CPE: variants seen among roughly 807,000 people sequenced by gnomAD.
CPE encodes the protein carbocypeptidase E.
Under a neutral mutation model 53.5 loss-of-function variants are expected in CPE, and 17 were observed. That is an observed-to-expected ratio of 0.32 (90% CI 0.22 to 0.48). CPE has a LOEUF of 0.48. CPE is among the 20% of genes least tolerant of loss of function. The pLI is 0.99. For missense variants in CPE, 524 were observed against 614.7 expected (o/e 0.85, Z 1.56); for synonymous variants, 226 against 228.8 (o/e 0.99, Z 0.11).
At chr4:165,431,910 TAACA>T (rs1560880313) in intron 1 of CPE, among the ~76,000 whole-genome samples, 1 of 151,786 alleles carries the variant, frequency 6.6e-6, no homozygotes, top group Non-Finnish European at 1.5e-5. Flanking sequence ...AGAACATAGG[TAACA>T]AGACAAGAGA....
intron 1 of CPE, among the ~76,000 whole-genome samples, chr4:165,394,727 A>G (rs187956741): frequency 2.0e-5 from 3 of 152,036 alleles, no homozygotes; most frequent in Admixed American, 2.0e-4. Context: ...TTTTTTTTTT[A>G]TGTGAAAAAT....
At chr4:165,492,076 G>T (rs1459976628) in intron 6 of CPE, among the ~76,000 whole-genome samples, 3 of 152,178 alleles carry the variant, frequency 2.0e-5, no homozygotes, top group Non-Finnish European at 4.4e-5. Flanking sequence ...TAGATGAATT[G>T]TCTTTCCAAA....
intron 1 of CPE, among the ~76,000 whole-genome samples, chr4:165,393,189 G>T: frequency 6.6e-6 from 1 of 152,124 alleles, no homozygotes; most frequent in South Asian, 2.1e-4. Flanking sequence ...AACAAAAAAA[G>T]CAATGTCATT....
At chr4:165,383,197 G>C (rs916484111) in intron 1 of CPE, among the ~76,000 whole-genome samples, 3 of 152,154 alleles carry the variant, frequency 2.0e-5, no homozygotes, top group African/African-American at 7.2e-5. Flanking sequence ...GCTAGGGGCT[G>C]ATTCTAAGTG....
intron 2 of CPE, among the ~76,000 whole-genome samples, chr4:165,465,082 GA>G (rs1163931312): frequency 6.6e-6 from 1 of 152,014 alleles, no homozygotes; most frequent in East Asian, 1.9e-4. Context: ...AAAAACAAGC[GA>G]AAACCCTACC....
chr4:165,461,613 A>G (rs1300824776), intron 1 of CPE, among the ~76,000 whole-genome samples: 3 of 152,332 alleles, frequency 2.0e-5, no homozygotes, highest in African/African-American at 7.2e-5. Context: ...GTTTAGTTAC[A>G]TATCCAACAT....
At chr4:165,456,053 T>A (rs1560887624) in intron 1 of CPE, among the ~76,000 whole-genome samples, 1 of 152,206 alleles carries the variant, frequency 6.6e-6, no homozygotes, top group Non-Finnish European at 1.5e-5. Context: ...AATTATTGAT[T>A]TCTGTGAATT....
At chr4:165,404,261 T>A in intron 1 of CPE, 1 of 767,452 alleles carries the variant, frequency 1.3e-6, no homozygotes, top group Non-Finnish European at 2.4e-6. Context: ...AATGTCTCCC[T>A]CTGCAGGTGT....
At chr4:165,405,179 G>T in intron 1 of CPE, 1 of 776,166 alleles carries the variant, frequency 1.3e-6, no homozygotes. Flanking sequence ...GCCTAACCCA[G>T]TGAGTGTGGC....
chr4:165,381,535 C>T (rs958565744), intron 1 of CPE: 1 of 280,382 alleles, frequency 3.6e-6, no homozygotes, highest in African/African-American at 2.3e-5. Flanking sequence ...ACAATATGTA[C>T]TTTACAATTC....
rs377223955 is a variant in CPE at position 165,450,566 on chromosome 4, A to T, written c.308-13824A>T. The stretch of plus-strand genomic sequence containing the variant: ...CATAATTTATTCACAAGTACATTAA[A>T]AATGTAAAACCATGCATAATTATTT... On this transcript the variant is annotated intron_variant, in intron 1 of 8. Transcript: ENST00000402744. Among the ~76,000 whole-genome samples the T allele has an allele frequency of 7.2e-5, 11 of 152,362 alleles. No homozygotes were observed. The East Asian group carries it at 2.1e-3, about 29-fold the overall frequency.
At chr4:165,443,148 T>C (rs569774015) in intron 1 of CPE, among the ~76,000 whole-genome samples, 1 of 152,314 alleles carries the variant, frequency 6.6e-6, no homozygotes, top group South Asian at 2.1e-4. Context: ...CTGGGAATCA[T>C]GCGAAGGGGC....
chr4:165,426,343 T>A (rs752288886), intron 1 of CPE, among the ~76,000 whole-genome samples: 1 of 152,220 alleles, frequency 6.6e-6, no homozygotes. Flanking sequence ...ACAGGAAAAA[T>A]GTTAAGTCCA....
intron 1 of CPE, among the ~76,000 whole-genome samples, chr4:165,392,489 AC>A (rs1730699407): frequency 1.4e-5 from 2 of 145,534 alleles, no homozygotes; most frequent in Non-Finnish European, 3.0e-5. Flanking sequence ...TCATATATTT[AC>A]AATATATGAT....
intron 1 of CPE, among the ~76,000 whole-genome samples, chr4:165,450,418 G>A (rs1731788933): frequency 6.6e-6 from 1 of 152,114 alleles, no homozygotes; most frequent in African/African-American, 2.4e-5. Context: ...AGCAGAAGAT[G>A]GATGAGATTG....
chr4:165,467,601 T>C, intron 2 of CPE, 87 bp from the exon 3 acceptor site: 1 of 1,270,866 alleles, frequency 7.9e-7, no homozygotes, highest in Non-Finnish European at 1.1e-6. Flanking sequence ...AATAGTTATT[T>C]TAAAGAGCAT....
chr4:165,437,467 G>C (rs2126683033), intron 1 of CPE, among the ~76,000 whole-genome samples: 1 of 152,296 alleles, frequency 6.6e-6, no homozygotes, highest in South Asian at 2.1e-4. Context: ...AATGGAAGTT[G>C]AAAGGGGATT....
intron 1 of CPE, among the ~76,000 whole-genome samples, chr4:165,461,409 A>T (rs1410829138): frequency 6.6e-6 from 1 of 152,018 alleles, no homozygotes; most frequent in East Asian, 1.9e-4. Context: ...GCCAAACCAC[A>T]TGGAGGTTCA....
chr4:165,472,790 A>G (rs887393409), intron 3 of CPE, among the ~76,000 whole-genome samples: 1 of 152,194 alleles, frequency 6.6e-6, no homozygotes, highest in Admixed American at 6.5e-5. Flanking sequence ...ATGCCTTTTT[A>G]TATAATCTTT....
Sources: allele counts gnomAD v4.1 joint callset (sites outside exome capture counted in the v4.1 genomes callset), GRCh38; gene constraint gnomAD v4.1.1; transcripts MANE v1.5; gene names NCBI Gene and HGNC (gene_info 2026-07-23, HGNC 2026-07-21).